Variants in GRB2 observed in about 807,000 individuals in gnomAD.
GRB2 encodes the protein growth factor receptor bound protein 2.
A neutral mutation model predicts 27.4 loss-of-function variants in GRB2; 2 were observed. The ratio of observed to expected loss-of-function variants is 0.07; its 90% confidence interval spans 0.03 to 0.23. The LOEUF is 0.23. GRB2 is among the 10% of genes least tolerant of loss of function. The pLI, the probability that GRB2 is intolerant of heterozygous loss-of-function variation, is 1.00. For synonymous variants in GRB2, 94 were observed against 99.6 expected, an observed-to-expected ratio of 0.94 and a Z score of 0.33; for missense variants, 102 against 282.4, an observed-to-expected ratio of 0.36 and a Z score of 4.58.
intron 1 of GRB2, chr17:75,405,141 GC>G (rs2079091109): frequency 6.6e-6 from 1 of 152,190 alleles, no homozygotes; most frequent in African/African-American, 2.4e-5. Flanking sequence ...GTCCCCCGCC[GC>G]CAGGCTCGGG....
chr17:75,399,613 G>A (rs1354510196), intron 1 of GRB2, among the ~76,000 whole-genome samples: 2 of 151,306 alleles, frequency 1.3e-5, no homozygotes, highest in East Asian at 1.9e-4. Context: ...TGATCCACCC[G>A]CCTTGGCCTC....
chr17:75,350,429 A>C (rs1346094872), intron 2 of GRB2, among the ~76,000 whole-genome samples: 1 of 152,226 alleles, frequency 6.6e-6, no homozygotes. Flanking sequence ...ATGAAAGCAC[A>C]TCTTGGGGAG....
At chr17:75,327,475 A>C (rs2078506882) in intron 3 of GRB2, among the ~76,000 whole-genome samples, 1 of 151,748 alleles carries the variant, frequency 6.6e-6, no homozygotes, top group Non-Finnish European at 1.5e-5. Flanking sequence ...GGTTCAAGCA[A>C]TTCTCCTGCC....
rs929252440 is a variant in GRB2 at position 75,330,375 on chromosome 17, C to T, written c.176+2325G>A. Among the ~76,000 whole-genome samples the T allele has an allele frequency of 2.6e-5, 4 of 151,386 alleles. No individual in the cohort carries two copies. In the Admixed American group the frequency reaches 2.6e-4, roughly 10 times the overall value. On this transcript the variant is annotated intron_variant, in intron 3 of 5. Transcript: ENST00000316804. ...CTAGCCTGGCGACAGAGCGAGACTCCATCTCAAACAAACAAACAAACAAAC... is the reference window on the plus strand; with the variant it reads ...CTAGCCTGGCGACAGAGCGAGACTCTATCTCAAACAAACAAACAAACAAAC...
chr17:75,391,807 CAAAAAAAAA>C (rs60382091), intron 2 of GRB2, among the ~76,000 whole-genome samples: 1 of 121,830 alleles, frequency 8.2e-6, no homozygotes. Context: ...GACTCCATCT[CAAAAAAAAA>C]AAAAAAAAAA....
At chr17:75,380,391 T>TA (rs1408792661) in intron 2 of GRB2, among the ~76,000 whole-genome samples, 1 of 151,710 alleles carries the variant, frequency 6.6e-6, no homozygotes, top group Non-Finnish European at 1.5e-5. Flanking sequence ...TATAGAAAGT[T>TA]AAAGTTCTCC....
chr17:75,345,476 T>C (rs192342341), intron 2 of GRB2, among the ~76,000 whole-genome samples: 31 of 152,294 alleles, frequency 2.0e-4, no homozygotes, highest in Admixed American at 1.8e-3. Context: ...AAAAGCAATG[T>C]TGGTCACAGA....
intron 2 of GRB2, among the ~76,000 whole-genome samples, chr17:75,360,583 A>G (rs1325091310): frequency 6.6e-6 from 1 of 152,202 alleles, no homozygotes; most frequent in South Asian, 2.1e-4. Flanking sequence ...AAACACCATC[A>G]TTACCACTTG....
chr17:75,389,279 C>T (rs573448107), intron 2 of GRB2, among the ~76,000 whole-genome samples: 1 of 125,116 alleles, frequency 8.0e-6, no homozygotes, highest in African/African-American at 3.1e-5. Flanking sequence ...AAATGTCCTC[C>T]TTCTCTTAAC....
At chr17:75,402,271 G>C (rs2079068644) in intron 1 of GRB2, among the ~76,000 whole-genome samples, 1 of 152,158 alleles carries the variant, frequency 6.6e-6, no homozygotes, top group Non-Finnish European at 1.5e-5. Flanking sequence ...TCACACCACT[G>C]TAAAGCTGAA....
chr17:75,344,082 T>C (rs1289169455), intron 2 of GRB2, among the ~76,000 whole-genome samples: 1 of 152,176 alleles, frequency 6.6e-6, no homozygotes, highest in African/African-American at 2.4e-5. Context: ...TATGTAGGCA[T>C]CAATTCAATA....
chr17:75,376,867 A>G (rs1344416962), intron 2 of GRB2, among the ~76,000 whole-genome samples: 1 of 151,918 alleles, frequency 6.6e-6, no homozygotes, highest in Non-Finnish European at 1.5e-5. Context: ...CAAACAAACA[A>G]AAACTAGTTG....
intron 2 of GRB2, among the ~76,000 whole-genome samples, chr17:75,339,485 A>G (rs967817712): frequency 1.4e-4 from 22 of 151,932 alleles, no homozygotes; most frequent in African/African-American, 5.1e-4. Context: ...ATATATATAT[A>G]TATGTACAAG....
intron 3 of GRB2, among the ~76,000 whole-genome samples, chr17:75,329,671 T>C (rs1018640326): frequency 2.4e-4 from 36 of 152,068 alleles, no homozygotes; most frequent in East Asian, 1.7e-3. Context: ...GGTGGGAGGA[T>C]TGCTTAAGCC....
rs1354884171 is a variant in GRB2 at position 75,391,519 on chromosome 17, T to TA, written c.78+2031dup. Among the ~76,000 whole-genome samples, 9 of 152,170 alleles carry TA rather than the reference T, an allele frequency of 5.9e-5. No homozygotes were observed. The East Asian group carries it at 1.5e-3, about 26-fold the overall frequency. ...AGGGAAAGTTCTTGTTTAAAAATTT[T>TA]AAAAAAAGGCTGGGTGCAGTAGCTC... On this transcript the variant is annotated intron_variant, in intron 2 of 5. Coordinates refer to ENST00000316804, the MANE Select transcript of GRB2 (RefSeq NM_002086.5).
chr17:75,371,079 G>A (rs759483162), intron 2 of GRB2: 2 of 152,462 alleles, frequency 1.3e-5, no homozygotes, highest in Non-Finnish European at 2.9e-5. Flanking sequence ...GGAGGCCAAG[G>A]TGGGAGGACT....
At chr17:75,399,133 A>C (rs547548894) in intron 1 of GRB2, among the ~76,000 whole-genome samples, 1 of 150,420 alleles carries the variant, frequency 6.6e-6, no homozygotes, top group African/African-American at 2.4e-5. Context: ...CTTCAGCCTC[A>C]AACTCCTTGG....
chr17:75,403,460 A>G (rs991914047), intron 1 of GRB2, among the ~76,000 whole-genome samples: 7 of 152,192 alleles, frequency 4.6e-5, no homozygotes, highest in Non-Finnish European at 8.8e-5. Flanking sequence ...CTGACGAAGT[A>G]AAGTGCCTCA....
chr17:75,383,034 G>T (rs1211298674), intron 2 of GRB2, among the ~76,000 whole-genome samples: 5 of 151,346 alleles, frequency 3.3e-5, no homozygotes, highest in Admixed American at 2.0e-4. Flanking sequence ...TTTAAAAGTT[G>T]TTTGGGAAAA....
Sources: allele counts gnomAD v4.1 joint callset (sites outside exome capture counted in the v4.1 genomes callset), GRCh38; gene constraint gnomAD v4.1.1; transcripts MANE v1.5; gene names NCBI Gene and HGNC (gene_info 2026-07-23, HGNC 2026-07-21).